The following FGF18 variants were observed in gnomAD, a reference collection of about 807,000 sequenced individuals.
FGF18 encodes the protein fibroblast growth factor 18.
In FGF18, 5 loss-of-function variants were observed where a neutral mutation model predicts 23.0. The ratio of observed to expected loss-of-function variants is 0.22; its 90% CI spans 0.11 to 0.46. The LOEUF is 0.46. Ranked by LOEUF, FGF18 falls within the 20% of genes least tolerant of loss-of-function variation. FGF18 has a pLI of 0.99. For synonymous variants in FGF18, 117 were observed against 118.9 expected (o/e 0.98, Z 0.10); for missense variants, 180 against 291.6 (o/e 0.62, Z 2.79).
intron 2 of FGF18, among the ~76,000 whole-genome samples, chr5:171,430,221 G>A (rs532250285): frequency 1.3e-5 from 2 of 152,120 alleles, no homozygotes; most frequent in Admixed American, 1.3e-4. Context: ...CACTGGGCGC[G>A]GTGGCAGGCG....
At chr5:171,445,767 G>T (rs1433398677) in intron 3 of FGF18, among the ~76,000 whole-genome samples, 1 of 152,176 alleles carries the variant, frequency 6.6e-6, no homozygotes, top group Non-Finnish European at 1.5e-5. Context: ...GCAGGCTGGA[G>T]GGGACGGTGG....
chr5:171,445,994 G>A (rs1772413775), intron 3 of FGF18, among the ~76,000 whole-genome samples: 1 of 151,634 alleles, frequency 6.6e-6, no homozygotes, highest in African/African-American at 2.4e-5. Context: ...TCCTTCTCCT[G>A]TCTCTCTCTC....
At chr5:171,431,624 C>A (rs537617012) in intron 2 of FGF18, among the ~76,000 whole-genome samples, 13 of 152,220 alleles carry the variant, frequency 8.5e-5, no homozygotes. Context: ...GAAGGGGACC[C>A]TAGGCCACCA....
intron 2 of FGF18, among the ~76,000 whole-genome samples, chr5:171,431,192 C>T (rs1301604774): frequency 6.6e-6 from 1 of 152,152 alleles, no homozygotes. Flanking sequence ...TGGTTGATCT[C>T]TGGAAGCTGG....
chr5:171,449,529 G>A (rs1317610293), intron 4 of FGF18, among the ~76,000 whole-genome samples: 1 of 152,054 alleles, frequency 6.6e-6, no homozygotes, highest in African/African-American at 2.4e-5. Flanking sequence ...ATCCATGGCT[G>A]TGTCTCTCCT....
At chr5:171,437,111 C>T (rs1772258551) in intron 3 of FGF18, among the ~76,000 whole-genome samples, 1 of 152,214 alleles carries the variant, frequency 6.6e-6, no homozygotes, top group Non-Finnish European at 1.5e-5. Flanking sequence ...CCTTCTCAGG[C>T]CCAGGTTCTA....
At chr5:171,424,782 G>A (rs1029015418) in intron 2 of FGF18, among the ~76,000 whole-genome samples, 1 of 151,422 alleles carries the variant, frequency 6.6e-6, no homozygotes, top group African/African-American at 2.4e-5. Flanking sequence ...AGAGTTAGAG[G>A]GGGGTACTTG....
At chr5:171,452,405 C>G (rs1435384724) in intron 4 of FGF18, among the ~76,000 whole-genome samples, 4 of 152,188 alleles carry the variant, frequency 2.6e-5, no homozygotes, top group Non-Finnish European at 1.5e-5. Context: ...GCAAGGGTAC[C>G]TGCATTGAGC....
chr5:171,440,014 G>A lies in FGF18; in HGVS notation c.250+3741G>A, dbSNP rs1237528430. Among the ~76,000 whole-genome samples, 1 of 152,226 alleles carries A rather than the reference G, an allele frequency of 6.6e-6. No homozygotes were observed. Among genetic ancestry groups the A allele is most frequent in the Non-Finnish European group, 1.5e-5 (1 of 68,036 alleles). On this transcript the variant is annotated intron_variant, in intron 3 of 4. Transcript: ENST00000274625. The surrounding 1 kb of genome is among the most constrained non-coding windows in gnomAD (Gnocchi z 4.0). ...CTAGCCAGGGAGATGGTATTTGGAGGATTGAGCTTGTCAGCTCAGGAATCT... is the reference window on the plus strand; with the variant it reads ...CTAGCCAGGGAGATGGTATTTGGAGAATTGAGCTTGTCAGCTCAGGAATCT...
chr5:171,443,517 T>C (rs1205735929), intron 3 of FGF18, among the ~76,000 whole-genome samples: 6 of 130,880 alleles, frequency 4.6e-5, no homozygotes, highest in Non-Finnish European at 9.8e-5. Flanking sequence ...TTTTTTTTTT[T>C]TTTTTTTTTT....
chr5:171,439,716 G>T (rs781782138), intron 3 of FGF18, among the ~76,000 whole-genome samples: 8 of 152,280 alleles, frequency 5.3e-5, no homozygotes, highest in Middle Eastern at 3.4e-3. Context: ...CCTGGGATGT[G>T]ACGAGATGGG....
At chr5:171,454,535 T>C (rs1280607735) in intron 4 of FGF18, among the ~76,000 whole-genome samples, 1 of 152,234 alleles carries the variant, frequency 6.6e-6, no homozygotes, top group Non-Finnish European at 1.5e-5. Context: ...TGCCCATGCC[T>C]GTTCTGCAGC....
rs1772225548 is a variant in FGF18 at position 171,434,941 on chromosome 5, G to T, written c.70-1152G>T. 6.6e-6 allele frequency among the ~76,000 whole-genome samples: 1 copy of T among 152,060 alleles called. No individual in the cohort carries two copies. Among genetic ancestry groups the T allele is most frequent in the South Asian group, 2.1e-4 (1 of 4,816 alleles). ...TCAGAGCTGGAGGTGGCTTCAGAAA[G>T]GGGTCCAGGAAGGCCTGCTTGAGGA... On this transcript the variant is annotated intron_variant, in intron 2 of 4. Transcript: ENST00000274625. This position sits in a 1 kb window ranked among gnomAD's most constrained non-coding sequence, Gnocchi z 4.6.
At position 171,434,810 on chromosome 5, in the gene FGF18, T is replaced by C. The variant is rs906105563; in HGVS notation, c.70-1283T>C. Among the ~76,000 whole-genome samples, 7 of 71,798 alleles carry C rather than the reference T, an allele frequency of 9.7e-5. No individual in the cohort carries two copies. The Admixed American group carries it at 9.8e-4, about 10-fold the overall frequency. The allele number at this position is 71,798 out of a possible 152,430, so 47.1% of individuals were successfully genotyped here. The stretch of plus-strand genomic sequence containing the variant: ...AGACACTGCTCCAGCTTTCTCTCCC[T>C]TTTTTTTTTTTTTTTGATGGTGCTG... On this transcript the variant is annotated intron_variant, in intron 2 of 4. Coordinates refer to ENST00000274625, the MANE Select transcript of FGF18 (RefSeq NM_003862.3). The surrounding 1 kb of genome is among the most constrained non-coding windows in gnomAD (Gnocchi z 4.6).
At chr5:171,438,150 G>A (rs544521703) in intron 3 of FGF18, among the ~76,000 whole-genome samples, 2 of 149,300 alleles carry the variant, frequency 1.3e-5, no homozygotes, top group South Asian at 4.2e-4. Flanking sequence ...CCAGGCTGGA[G>A]TGGTGCAGTG....
At chr5:171,449,398 TGTGAGAGAGA>T (rs1226723556) in intron 4 of FGF18, 145 bp downstream of exon 4, 14 of 512,218 alleles carry the variant, frequency 2.7e-5, no homozygotes, top group African/African-American at 2.2e-4. Flanking sequence ...TGTGTGTGTG[TGTGAGAGAGA>T]GAGAGAGAGA....
chr5:171,432,222 A>C (rs1772191391), intron 2 of FGF18, among the ~76,000 whole-genome samples: 1 of 152,044 alleles, frequency 6.6e-6, no homozygotes, highest in African/African-American at 2.4e-5. Flanking sequence ...GTGACCTGCC[A>C]CGCAGCTAGT....
chr5:171,441,466 C>T (rs148651984), intron 3 of FGF18, among the ~76,000 whole-genome samples: 120 of 152,302 alleles, frequency 7.9e-4, no homozygotes, highest in African/African-American at 2.7e-3. Context: ...AAGCACTGTC[C>T]GTCTGCGGGC....
At chr5:171,448,751 C>T (rs536978872) in intron 3 of FGF18, among the ~76,000 whole-genome samples, 2 of 151,858 alleles carry the variant, frequency 1.3e-5, no homozygotes, top group Non-Finnish European at 1.5e-5. Context: ...GTTTTTTGCA[C>T]GGTTCTTTGT....
Sources: gnomAD v4.1 joint callset for allele counts (sites outside exome capture counted in the v4.1 genomes callset) on GRCh38, gnomAD v4.1.1 for gene constraint, Gnocchi (gnomAD v3.1) non-coding constraint, MANE v1.5 for transcripts, NCBI Gene and HGNC (gene_info 2026-07-23, HGNC 2026-07-21) for gene names.